The following ATAD3C variants were observed in gnomAD, a reference collection of about 807,000 sequenced individuals.
ATAD3C encodes the protein ATPase family AAA domain-containing protein 3C.
A neutral mutation model predicts 46.3 loss-of-function variants in ATAD3C; 38 were observed. The observed-to-expected ratio is 0.82, with a 90% confidence interval of 0.63 to 1.08. ATAD3C has a LOEUF of 1.08. Ranked by LOEUF, ATAD3C falls within the 50% of genes least tolerant of loss-of-function variation. The pLI is 0.00. For synonymous variants in ATAD3C, 220 were observed against 236.4 expected, an observed-to-expected ratio of 0.93 and a Z score of 0.63; for missense variants, 563 against 572.7, an observed-to-expected ratio of 0.98 and a Z score of 0.17.
In ATAD3C at chr1:1,459,291, T is replaced by C; in HGVS notation, c.812+60T>C. ...AGGGCTGTGCAGCCGTCACCCTTGG[T>C]TCCCACCGAGGGACCTGAGGGGCCC... On this transcript the variant is annotated intron_variant, in intron 9 of 11. Coordinates refer to ENST00000378785, the MANE Select transcript of ATAD3C (RefSeq NM_001039211.3). The surrounding 1 kb of genome is among the most constrained non-coding windows in gnomAD (Gnocchi z 4.9). 1.9e-6 allele frequency: 3 copies of C among 1,611,016 alleles called. No homozygotes were observed. Among genetic ancestry groups the C allele is most frequent in the Non-Finnish European group, 2.5e-6 (3 of 1,179,384 alleles).
chr1:1,454,057 A>G (rs985198393), intron 3 of ATAD3C, among the ~76,000 whole-genome samples: 2 of 152,092 alleles, frequency 1.3e-5, no homozygotes, highest in African/African-American at 4.8e-5. Context: ...TGACATATCC[A>G]GCTGGGTCTG....
intron 9 of ATAD3C, 137 bp from the exon 10 acceptor site, chr1:1,460,613 C>G: frequency 7.2e-7 from 1 of 1,392,436 alleles, no homozygotes; most frequent in Admixed American, 3.0e-5. Context: ...TGCGTTCTCC[C>G]CATGTTTCCT....
chr1:1,459,244 C>G lies in ATAD3C; in HGVS notation c.812+13C>G, dbSNP rs527258865. ...AGCACAGCAACAAGTGAGGGAGCCC[C>G]TCGGGTCCTGGGCCCCCGGGCAGGG... On this transcript the variant is annotated intron_variant, in intron 9 of 11. Transcript: ENST00000378785. This position sits in a 1 kb window ranked among gnomAD's most constrained non-coding sequence, Gnocchi z 4.9. The G allele has an allele frequency of 5.2e-4, 834 of 1,612,012 alleles. 16 individuals are homozygous for G. The South Asian group carries it at 8.8e-3, about 17-fold the overall frequency.
intron 4 of ATAD3C, among the ~76,000 whole-genome samples, chr1:1,455,120 G>A (rs887996456): frequency 2.7e-5 from 4 of 150,636 alleles, no homozygotes; most frequent in East Asian, 3.9e-4. Context: ...GGGAGGCTGA[G>A]GCAGAAGAAT....
In ATAD3C at chr1:1,459,301, G is replaced by C; in HGVS notation, c.812+70G>C. 6.2e-7 allele frequency: 1 copy of C among 1,607,980 alleles called. No homozygotes were observed. On this transcript the variant is annotated intron_variant, in intron 9 of 11. Transcript: ENST00000378785. The surrounding 1 kb of genome is among the most constrained non-coding windows in gnomAD (Gnocchi z 4.9). ...AGCCGTCACCCTTGGTTCCCACCGAGGGACCTGAGGGGCCCTGGCTCACAG... is the reference window on the plus strand; with the variant it reads ...AGCCGTCACCCTTGGTTCCCACCGACGGACCTGAGGGGCCCTGGCTCACAG...
Position 1,462,372 on chromosome 1 carries a change from T to G in ATAD3C, c.981-228T>G, listed in dbSNP as rs1240590436. 2.1e-6 allele frequency: 1 copy of G among 471,534 alleles called. No individual in the cohort carries two copies. The highest frequency in any genetic ancestry group is 4.0e-6 in the Non-Finnish European group (1 of 251,328). The allele number at this position is 471,534 out of a possible 1,614,324, so 29.2% of individuals were successfully genotyped here. On this transcript the variant is annotated intron_variant, in intron 10 of 11. Coordinates refer to ENST00000378785, the MANE Select transcript of ATAD3C (RefSeq NM_001039211.3). This position sits in a 1 kb window ranked among gnomAD's most constrained non-coding sequence, Gnocchi z 4.5. ...GTGGGTGCTGAGTGGACAGGGCTGG[T>G]GTTAGGAAGGGGTGCGGCCATCTCC... is the stretch of plus-strand genomic sequence containing the variant.
rs190379709 is a variant in ATAD3C at position 1,462,874 on chromosome 1, C to G, written c.1089+166C>G. On this transcript the variant is annotated intron_variant, in intron 11 of 11. Coordinates refer to ENST00000378785, the MANE Select transcript of ATAD3C (RefSeq NM_001039211.3). The surrounding 1 kb of genome is among the most constrained non-coding windows in gnomAD (Gnocchi z 4.5). Reference sequence around the variant, plus strand: ...CCCCTGCCCCAGTTGGGCCACTCCACGCAGCAGCGTGCACCTGCTCCAGCA... The same window carrying G: ...CCCCTGCCCCAGTTGGGCCACTCCAGGCAGCAGCGTGCACCTGCTCCAGCA... Among the ~76,000 whole-genome samples the G allele has an allele frequency of 2.0e-4, 31 of 152,222 alleles. No homozygotes were observed. Among genetic ancestry groups the G allele is most frequent in the African/African-American group, 7.5e-4 (31 of 41,550 alleles).
chr1:1,450,720 G>A lies in ATAD3C; in HGVS notation c.37G>A (p.Glu13Lys). Reference protein sequence around the residue: ...KDALNLAQMQEQTLQLEQQSK... With the variant: ...KDALNLAQMQKQTLQLEQQSK... ...CGCCCTGAATCTGGCGCAGATGCAG[G>A]AGCAGACGCTGCAGTTGGAGCAACA... The change falls in exon 1 of 12, where the codon GAG (glutamate) becomes AAG (lysine). Residue 13 changes from glutamate to lysine, a missense_variant. Glu to Lys is a moderately conservative substitution (Grantham distance 56). This residue lies in a region of ATAD3C where 263 missense variants were observed against 243.1 expected (regional missense o/e 1.08). Transcript: ENST00000378785. 6.2e-7 allele frequency: 1 copy of A among 1,613,298 alleles called. No individual in the cohort carries two copies. The highest frequency in any genetic ancestry group is 8.5e-7 in the Non-Finnish European group (1 of 1,179,596).
At position 1,469,965 on chromosome 1, in the gene ATAD3C, G is replaced by T. The variant is rs1300031141; in HGVS notation, c.*1435G>T. ...TGCAATCTCCCCCACCCTTAAGAAG[G>T]TTCTTTGTCATTCTCCCCACCCTTG... On this transcript the variant is annotated 3_prime_UTR_variant, in exon 12 of 12. Coordinates refer to ENST00000378785, the MANE Select transcript of ATAD3C (RefSeq NM_001039211.3). 6.6e-6 allele frequency: 1 copy of T among 151,802 alleles called. No individual in the cohort carries two copies. Among genetic ancestry groups the T allele is most frequent in the Non-Finnish European group, 1.5e-5 (1 of 67,928 alleles). 9.4% of individuals were successfully genotyped at this position (151,802 alleles called of 1,614,324 possible). A position where few individuals can be genotyped will look rare whatever the true frequency, so the allele number is the denominator to read the frequency against.
chr1:1,462,571 G>A lies in ATAD3C; in HGVS notation c.981-29G>A, dbSNP rs376521488. 1.9e-4 allele frequency: 304 copies of A among 1,561,094 alleles called. 7 individuals carry two copies. The highest frequency in any genetic ancestry group is 2.5e-4 in the Non-Finnish European group (289 of 1,149,932). On this transcript the variant is annotated intron_variant, in intron 10 of 11. Coordinates refer to ENST00000378785, the MANE Select transcript of ATAD3C (RefSeq NM_001039211.3). The surrounding 1 kb of genome is among the most constrained non-coding windows in gnomAD (Gnocchi z 4.5). ...TCGTGGTGTGGGAGCTGCTGCCTTG[G>A]CCGGCCCACTTGGGAACTCCTTCCC...
intron 11 of ATAD3C, among the ~76,000 whole-genome samples, chr1:1,465,166 G>A (rs1639126093): frequency 6.6e-6 from 1 of 151,618 alleles, no homozygotes; most frequent in African/African-American, 2.4e-5. Flanking sequence ...GATTCATTCA[G>A]GTGTGGGCCA....
Position 1,457,185 on chromosome 1 carries a change from G to T in ATAD3C, c.741+5G>T. 6.2e-7 allele frequency: 1 copy of T among 1,613,548 alleles called. No individual in the cohort carries two copies. The highest frequency in any genetic ancestry group is 8.5e-7 in the Non-Finnish European group (1 of 1,179,642). ...TTCCTTCGGAAGCGAGCCACTGTGA[G>T]TGTCACTAAGCCTCTGTCTGGCCAC... On this transcript the variant is annotated splice_donor_5th_base_variant and intron_variant, in intron 8 of 11. Transcript: ENST00000378785.
At position 1,459,870 on chromosome 1, in the gene ATAD3C, C is replaced by T. The variant is rs564045687; in HGVS notation, c.812+639C>T. Among the ~76,000 whole-genome samples the T allele has an allele frequency of 2.6e-5, 4 of 151,964 alleles. No individual in the cohort carries two copies. The highest frequency in any genetic ancestry group is 7.2e-5 in the African/African-American group (3 of 41,402). Reference sequence around the variant, plus strand: ...TCCTGGGTCCCTCCAGCCCCAGTCACGTGTCACATGGAGGATCAAGTCCTG... The same window carrying T: ...TCCTGGGTCCCTCCAGCCCCAGTCATGTGTCACATGGAGGATCAAGTCCTG... On this transcript the variant is annotated intron_variant, in intron 9 of 11. Transcript: ENST00000378785. The surrounding 1 kb of genome is among the most constrained non-coding windows in gnomAD (Gnocchi z 4.9).
rs1553199334 is a variant in ATAD3C at position 1,461,681 on chromosome 1, T to TGGGG, written c.980+764_980+765insGGGG. ...AGAGGCTCCTCATGAGACCCCCATG[T>TGGGG]AGGGACTGGAGGGAGAGGCTCCTCA... On this transcript the variant is annotated intron_variant, in intron 10 of 11. Coordinates refer to ENST00000378785, the MANE Select transcript of ATAD3C (RefSeq NM_001039211.3). Among the ~76,000 whole-genome samples, 474 of 150,984 alleles carry TGGGG rather than the reference T, an allele frequency of 3.1e-3. 15 individuals carry two copies. The highest frequency in any genetic ancestry group is 4.5e-3 in the Admixed American group (68 of 15,220).
intron 1 of ATAD3C, among the ~76,000 whole-genome samples, chr1:1,451,243 C>T (rs962676938): frequency 1.3e-4 from 19 of 151,852 alleles, no homozygotes; most frequent in Non-Finnish European, 1.9e-4. Context: ...GGGGTTTCAG[C>T]GTGTCAGCCA....
intron 3 of ATAD3C, among the ~76,000 whole-genome samples, chr1:1,453,607 G>A (rs1435713369): frequency 6.6e-6 from 1 of 151,322 alleles, no homozygotes; most frequent in Non-Finnish European, 1.5e-5. Flanking sequence ...AAAGTGCTGG[G>A]ATTACAGGGA....
Position 1,462,659 on chromosome 1 carries a change from C to G in ATAD3C, c.1040C>G (p.Thr347Arg). The G allele has an allele frequency of 6.2e-7, 1 of 1,607,368 alleles. No homozygotes were observed. Among genetic ancestry groups the G allele is most frequent in the Non-Finnish European group, 8.5e-7 (1 of 1,177,356 alleles). Residue 347 changes from threonine to arginine, a missense_variant, in exon 11 of 12, where the codon ACA becomes AGA. Thr to Arg is a moderately conservative substitution (Grantham distance 71, BLOSUM62 -1). Around this residue, in one of 3 missense-constraint regions of ATAD3C, gnomAD observed 273 missense variants for 253.5 expected, o/e 1.08. Coordinates refer to ENST00000378785, the MANE Select transcript of ATAD3C (RefSeq NM_001039211.3). This position sits in a 1 kb window ranked among gnomAD's most constrained non-coding sequence, Gnocchi z 4.5. ...GRKCLEIARL[T>R]EGMSCRKIAQ... Reference sequence around the variant, plus strand: ...AAGTGCTTAGAGATCGCTCGGCTGACAGAGGGCATGTCATGCCGGAAGATC... The same window carrying G: ...AAGTGCTTAGAGATCGCTCGGCTGAGAGAGGGCATGTCATGCCGGAAGATC...
chr1:1,461,860 C>T (rs896673066), intron 10 of ATAD3C, among the ~76,000 whole-genome samples: 17 of 152,068 alleles, frequency 1.1e-4, no homozygotes, highest in African/African-American at 3.4e-4. Context: ...GTGTGGGGCG[C>T]GGCTCTTGCT....
rs975598417 is a variant in ATAD3C at position 1,456,746 on chromosome 1, C to T, written c.690-383C>T. Among the ~76,000 whole-genome samples the T allele has an allele frequency of 2.0e-5, 3 of 150,654 alleles. No individual in the cohort carries two copies. In the Admixed American group the frequency reaches 2.0e-4, roughly 10 times the overall value. On this transcript the variant is annotated intron_variant, in intron 7 of 11. Transcript: ENST00000378785. ...AGCTGAAGACAGCATGGCACACTCC[C>T]TTCAATAGGTCCCACAGTGACCCCG...
Sources: gnomAD v4.1 joint callset for allele counts (sites outside exome capture counted in the v4.1 genomes callset) on GRCh38, gnomAD v4.1.1 for gene constraint, gnomAD v4.1.1 regional missense constraint, Gnocchi (gnomAD v3.1) non-coding constraint, MANE v1.5 for transcripts, NCBI Gene and HGNC (gene_info 2026-07-23, HGNC 2026-07-21) for gene names.